BAZ1A: variants seen among roughly 807,000 people sequenced by gnomAD.
The protein encoded by BAZ1A is bromodomain adjacent to zinc finger domain 1A.
In BAZ1A, 50 loss-of-function variants were observed where a neutral mutation model predicts 185.2. The observed-to-expected ratio is 0.27, with a 90% CI of 0.22 to 0.34. The LOEUF is 0.34. BAZ1A is among the 10% of genes least tolerant of loss of function. The pLI is 1.00. For synonymous variants in BAZ1A, 571 were observed against 615.6 expected (o/e 0.93, Z 1.07); for missense variants, 1,356 against 1,839.9 (o/e 0.74, Z 4.81).
At chr14:34,848,053 G>T (rs1442344197) in intron 3 of BAZ1A, among the ~76,000 whole-genome samples, 1 of 151,924 alleles carries the variant, frequency 6.6e-6, no homozygotes, top group African/African-American at 2.4e-5. Flanking sequence ...ATAGAGGCGG[G>T]GTTTTGTCAT....
intron 3 of BAZ1A, among the ~76,000 whole-genome samples, chr14:34,840,628 G>A (rs1310060141): frequency 6.6e-6 from 1 of 151,938 alleles, no homozygotes; most frequent in African/African-American, 2.4e-5. Flanking sequence ...GCATGGTGGT[G>A]GGCCCCTGTA....
rs140977895 is a variant in BAZ1A at position 34,806,285 on chromosome 14, C to T, written c.726+1166G>A. 6.2e-3 allele frequency among the ~76,000 whole-genome samples: 937 copies of T among 152,230 alleles called. 17 individuals are homozygous for T. Among genetic ancestry groups the T allele is most frequent in the African/African-American group, 0.022 (906 of 41,530 alleles). On this transcript the variant is annotated intron_variant, in intron 6 of 26. Coordinates refer to ENST00000360310, the MANE Select transcript of BAZ1A (RefSeq NM_013448.3). Reference sequence around the variant, plus strand: ...GTGACAAATGCATACATCTCTCTAACCCATGCTACTGCCTTTTTAAACTTT... The same window carrying T: ...GTGACAAATGCATACATCTCTCTAATCCATGCTACTGCCTTTTTAAACTTT...
At chr14:34,816,734 C>A in intron 4 of BAZ1A, 1 of 340,658 alleles carries the variant, frequency 2.9e-6, no homozygotes, top group Admixed American at 3.6e-5. Context: ...GCACATCTGG[C>A]TACTAAAATC....
At chr14:34,759,699 G>C (rs1288114889) in intron 24 of BAZ1A, among the ~76,000 whole-genome samples, 1 of 151,924 alleles carries the variant, frequency 6.6e-6, no homozygotes, top group Non-Finnish European at 1.5e-5. Flanking sequence ...TTTTGAGACA[G>C]AGTCTTGCTT....
intron 3 of BAZ1A, among the ~76,000 whole-genome samples, chr14:34,839,951 G>T (rs1049538857): frequency 2.0e-5 from 3 of 151,660 alleles, no homozygotes; most frequent in Non-Finnish European, 4.4e-5. Flanking sequence ...ACCAAAAAGG[G>T]TGAATTTTAG....
chr14:34,833,308 C>A (rs1424615863), intron 3 of BAZ1A, among the ~76,000 whole-genome samples: 2 of 152,162 alleles, frequency 1.3e-5, no homozygotes, highest in African/African-American at 4.8e-5. Context: ...GCGGGTGGAT[C>A]ACGAGGTCAG....
At chr14:34,758,522 G>C in intron 25 of BAZ1A, 182 bp downstream of exon 25, 2 of 514,962 alleles carry the variant, frequency 3.9e-6, no homozygotes, top group Non-Finnish European at 6.6e-6. Flanking sequence ...AGAGCTTGCA[G>C]TGAGCCGAGA....
In BAZ1A at chr14:34,841,422, G is replaced by A. The variant is rs75026419; in HGVS notation, c.393-15266C>T. Among the ~76,000 whole-genome samples the A allele has an allele frequency of 1.3e-3, 193 of 151,852 alleles. 1 individual carries two copies. In the East Asian group the frequency reaches 0.02, roughly 16 times the overall value. ...TTTTCTTTTTTTTGGAGACAGTCTC[G>A]CTTTGTCGCCCAGGCTGGAGTGCAA... On this transcript the variant is annotated intron_variant, in intron 3 of 26. Transcript: ENST00000360310.
At chr14:34,843,110 G>A (rs2042443689) in intron 3 of BAZ1A, among the ~76,000 whole-genome samples, 1 of 145,064 alleles carries the variant, frequency 6.9e-6, no homozygotes, top group African/African-American at 2.5e-5. Context: ...AAGAAAACTA[G>A]GGACTGGCTA....
intron 3 of BAZ1A, among the ~76,000 whole-genome samples, chr14:34,832,006 G>T (rs1037376712): frequency 6.6e-6 from 1 of 151,658 alleles, no homozygotes; most frequent in African/African-American, 2.4e-5. Context: ...ACCAGCTTGG[G>T]CAACATGGAG....
intron 10 of BAZ1A, 129 bp from the exon 11 acceptor site, chr14:34,795,016 T>G (rs190173761): frequency 0.01 from 12,522 of 1,241,136 alleles, 107 homozygotes; most frequent in Non-Finnish European, 0.011. Flanking sequence ...CAACCCTTGC[T>G]GTTTATCACA....
At chr14:34,796,165 T>TACATACACACACACACAC (rs112744981) in intron 9 of BAZ1A, among the ~76,000 whole-genome samples, 2 of 146,608 alleles carry the variant, frequency 1.4e-5, no homozygotes, top group East Asian at 4.0e-4. Context: ...TACATATACA[T>TACATACACACACACACAC]ACACACACAC....
chr14:34,819,997 T>G (rs950084732), intron 4 of BAZ1A, among the ~76,000 whole-genome samples: 3 of 152,164 alleles, frequency 2.0e-5, no homozygotes, highest in Non-Finnish European at 2.9e-5. Flanking sequence ...CATTGTTGTT[T>G]TAATTTACAA....
intron 3 of BAZ1A, among the ~76,000 whole-genome samples, chr14:34,855,305 G>C (rs887442902): frequency 2.6e-5 from 4 of 152,092 alleles, no homozygotes; most frequent in Non-Finnish European, 5.9e-5. Context: ...TTCAAACCGT[G>C]TTCAAATAAG....
intron 3 of BAZ1A, among the ~76,000 whole-genome samples, chr14:34,842,577 T>G (rs1275640814): frequency 2.0e-5 from 3 of 152,212 alleles, no homozygotes; most frequent in Admixed American, 1.3e-4. Context: ...AAAAGCTTAA[T>G]CTGACCACGC....
chr14:34,840,694 T>C (rs1345569922), intron 3 of BAZ1A, among the ~76,000 whole-genome samples: 1 of 151,846 alleles, frequency 6.6e-6, no homozygotes, highest in African/African-American at 2.4e-5. Context: ...GAAGCAGAGG[T>C]TGTGGTGAGC....
chr14:34,782,658 T>C (rs1382592660), intron 16 of BAZ1A, among the ~76,000 whole-genome samples: 1 of 152,238 alleles, frequency 6.6e-6, no homozygotes, highest in Non-Finnish European at 1.5e-5. Flanking sequence ...AAAGTCAATA[T>C]ACTAATTTTG....
Position 34,753,390 on chromosome 14 carries a change from G to A in BAZ1A, c.*118C>T, listed in dbSNP as rs1940053244. 4.1e-6 allele frequency: 4 copies of A among 966,266 alleles called. No homozygotes were observed. Among genetic ancestry groups the A allele is most frequent in the African/African-American group, 3.2e-5 (2 of 61,694 alleles). 59.9% of individuals were successfully genotyped at this position (966,266 alleles called of 1,614,324 possible). A position where few individuals can be genotyped will look rare whatever the true frequency, so the allele number is the denominator to read the frequency against. ...GCTTAATATTAAAATTGAGAATATA[G>A]TGCAGGCCACACTTTCATGTGGTCA... On this transcript the variant is annotated 3_prime_UTR_variant, in exon 27 of 27. Coordinates refer to ENST00000360310, the MANE Select transcript of BAZ1A (RefSeq NM_013448.3).
intron 2 of BAZ1A, among the ~76,000 whole-genome samples, chr14:34,864,706 G>A (rs1345968803): frequency 6.7e-6 from 1 of 148,420 alleles, no homozygotes; most frequent in East Asian, 2.0e-4. Flanking sequence ...TCCTGACCTC[G>A]TGATCCACCC....
Sources: allele counts gnomAD v4.1 joint callset (sites outside exome capture counted in the v4.1 genomes callset), GRCh38; gene constraint gnomAD v4.1.1; transcripts MANE v1.5; gene names NCBI Gene and HGNC (gene_info 2026-07-23, HGNC 2026-07-21).